Variants in FNDC3B observed in about 807,000 individuals in gnomAD.
FNDC3B encodes fibronectin type III domain containing 3B, also known as fibronectin type III domain-containing protein 3B.
FNDC3B carries 12 observed loss-of-function variants against 151.5 expected under a neutral mutation model. That is an observed-to-expected ratio of 0.08 (90% confidence interval 0.05 to 0.13). The LOEUF (loss-of-function observed/expected upper bound fraction) is 0.13, where lower values mean the gene tolerates loss of function less well. Among genes scored for constraint, FNDC3B ranks in the 10% least tolerant of loss-of-function variants. The pLI is 1.00. For synonymous variants in FNDC3B, 528 were observed against 549.0 expected, an observed-to-expected ratio of 0.96 and a Z score of 0.54; for missense variants, 1,214 against 1,505.3, an observed-to-expected ratio of 0.81 and a Z score of 3.20.
At chr3:172,083,866 A>G (rs1307418299) in intron 1 of FNDC3B, among the ~76,000 whole-genome samples, 1 of 152,250 alleles carries the variant, frequency 6.6e-6, no homozygotes, top group African/African-American at 2.4e-5. Flanking sequence ...AAATGAAAGT[A>G]TAGTAGCCAG....
At chr3:172,372,510 G>A (rs144578824) in intron 23 of FNDC3B, among the ~76,000 whole-genome samples, 181 of 152,342 alleles carry the variant, frequency 1.2e-3, no homozygotes, top group African/African-American at 4.1e-3. Context: ...GCGTGCTCAT[G>A]TCATGAAAAT....
intron 11 of FNDC3B, among the ~76,000 whole-genome samples, chr3:172,325,884 C>T (rs972697714): frequency 4.6e-5 from 7 of 152,266 alleles, no homozygotes; most frequent in South Asian, 4.1e-4. Context: ...AGTGCAGTGG[C>T]GTGATCTCGA....
chr3:172,070,010 T>G (rs1365379632), intron 1 of FNDC3B, among the ~76,000 whole-genome samples: 1 of 152,162 alleles, frequency 6.6e-6, no homozygotes, highest in African/African-American at 2.4e-5. Flanking sequence ...TAGGGCACTG[T>G]GGCAAATAAA....
At chr3:172,135,099 C>T (rs139112757) in intron 3 of FNDC3B, among the ~76,000 whole-genome samples, 120 of 152,078 alleles carry the variant, frequency 7.9e-4, no homozygotes, top group African/African-American at 2.7e-3. Flanking sequence ...GTTATGGTAA[C>T]ATTGGCACCC....
rs140687836 is a variant in FNDC3B at position 172,313,554 on chromosome 3, C to T, written c.1254+2673C>T. The stretch of plus-strand genomic sequence containing the variant: ...TTTATGGAGTGTGCTCCTCAGTAGT[C>T]CACATTGCACATTGTCCTGTGAGGG... On this transcript the variant is annotated intron_variant, in intron 11 of 25. Transcript: ENST00000415807. 3.2e-4 allele frequency among the ~76,000 whole-genome samples: 49 copies of T among 152,306 alleles called. 1 individual carries two copies. In the East Asian group the frequency reaches 8.9e-3, roughly 28 times the overall value.
intron 24 of FNDC3B, among the ~76,000 whole-genome samples, chr3:172,380,590 C>A (rs1481148629): frequency 6.6e-6 from 1 of 152,180 alleles, no homozygotes; most frequent in Non-Finnish European, 1.5e-5. Context: ...CTTCCTTCAA[C>A]TAACTCTTAA....
chr3:172,087,936 T>TAGA (rs1718631770), intron 1 of FNDC3B, among the ~76,000 whole-genome samples: 1 of 152,198 alleles, frequency 6.6e-6, no homozygotes, highest in African/African-American at 2.4e-5. Flanking sequence ...TAGTCCACAT[T>TAGA]AGCAAGAGAT....
chr3:172,328,918 T>A (rs904115536), intron 11 of FNDC3B, 34 bp from the exon 12 acceptor site: 4 of 1,485,078 alleles, frequency 2.7e-6, no homozygotes, highest in East Asian at 2.4e-5. Context: ...TTTTTTTTTT[T>A]AAGTATATGC....
intron 3 of FNDC3B, among the ~76,000 whole-genome samples, chr3:172,215,103 G>A (rs2108720420): frequency 6.6e-6 from 1 of 152,338 alleles, no homozygotes; most frequent in Non-Finnish European, 1.5e-5. Flanking sequence ...ACATTTTGTT[G>A]TCTGGTTAAT....
intron 22 of FNDC3B, among the ~76,000 whole-genome samples, chr3:172,355,038 C>G (rs1734028438): frequency 6.6e-6 from 1 of 151,990 alleles, no homozygotes; most frequent in African/African-American, 2.4e-5. Flanking sequence ...TTATAGCAAA[C>G]TACCCATTGG....
chr3:172,125,073 C>T (rs890319853), intron 2 of FNDC3B, among the ~76,000 whole-genome samples: 14 of 152,240 alleles, frequency 9.2e-5, no homozygotes, highest in African/African-American at 3.1e-4. Context: ...ACTCACCTCT[C>T]TTAGTCTTGT....
intron 2 of FNDC3B, among the ~76,000 whole-genome samples, chr3:172,121,995 AT>A (rs550989685): frequency 6.6e-4 from 100 of 152,342 alleles, no homozygotes; most frequent in African/African-American, 2.2e-3. Flanking sequence ...ATAGCTACTG[AT>A]GTATCTCATA....
chr3:172,231,319 A>G (rs1230580594), intron 4 of FNDC3B, among the ~76,000 whole-genome samples: 1 of 152,208 alleles, frequency 6.6e-6, no homozygotes. Context: ...TTAATGGGGT[A>G]TGCTGTTTCT....
intron 5 of FNDC3B, among the ~76,000 whole-genome samples, chr3:172,250,761 A>G (rs1728019389): frequency 6.6e-6 from 1 of 152,194 alleles, no homozygotes; most frequent in Admixed American, 6.5e-5. Flanking sequence ...TTATTCCTTG[A>G]TTGGTTAGAA....
chr3:172,330,821 C>T lies in FNDC3B; in HGVS notation c.1554+106C>T, dbSNP rs540519763. Reference sequence around the variant, plus strand: ...TTAACTGCATCAGTTCAAAGCCAAACTCTTAATTTCTGCCTCTGTCACCAC... The same window carrying T: ...TTAACTGCATCAGTTCAAAGCCAAATTCTTAATTTCTGCCTCTGTCACCAC... On this transcript the variant is annotated intron_variant, in intron 13 of 25. Coordinates refer to ENST00000415807, the MANE Select transcript of FNDC3B (RefSeq NM_022763.4). The T allele has an allele frequency of 1.2e-5, 10 of 822,880 alleles. No homozygotes were observed. The African/African-American group carries it at 1.6e-4, about 13-fold the overall frequency. 51.0% of individuals were successfully genotyped at this position (822,880 alleles called of 1,614,324 possible). A position where few individuals can be genotyped will look rare whatever the true frequency, so the allele number is the denominator to read the frequency against.
At chr3:172,152,177 C>G (rs1722258590) in intron 3 of FNDC3B, among the ~76,000 whole-genome samples, 1 of 152,194 alleles carries the variant, frequency 6.6e-6, no homozygotes, top group Non-Finnish European at 1.5e-5. Context: ...GCCAATTCCT[C>G]TTCACAAAAA....
chr3:172,244,918 G>A (rs747689199), intron 4 of FNDC3B, among the ~76,000 whole-genome samples: 4 of 152,040 alleles, frequency 2.6e-5, no homozygotes, highest in South Asian at 4.1e-4. Context: ...GAGCCACTGC[G>A]CCTGGCCAAT....
intron 2 of FNDC3B, among the ~76,000 whole-genome samples, chr3:172,131,243 A>C (rs1444142235): frequency 1.3e-5 from 2 of 152,128 alleles, no homozygotes; most frequent in Non-Finnish European, 2.9e-5. Flanking sequence ...AAAATACAAA[A>C]TTAGCCAGGC....
chr3:172,138,149 G>T (rs142111693), intron 3 of FNDC3B, among the ~76,000 whole-genome samples: 3 of 152,290 alleles, frequency 2.0e-5, no homozygotes, highest in African/African-American at 7.2e-5. Context: ...TCTTCCAAGA[G>T]CTCTCTCAGA....
Sources: gnomAD v4.1 joint callset for allele counts (sites outside exome capture counted in the v4.1 genomes callset) on GRCh38, gnomAD v4.1.1 for gene constraint, MANE v1.5 for transcripts, NCBI Gene and HGNC (gene_info 2026-07-23, HGNC 2026-07-21) for gene names.